PCSK2: variants seen among roughly 807,000 people sequenced by gnomAD.
PCSK2 encodes the protein proprotein convertase subtilisin/kexin type 2.
Under a neutral mutation model 69.7 loss-of-function variants are expected in PCSK2, and 14 were observed. The ratio of observed to expected loss-of-function variants is 0.20; its 90% CI spans 0.13 to 0.31. The LOEUF is 0.31. PCSK2 is among the 10% of genes least tolerant of loss of function. PCSK2 has a pLI of 1.00. For missense variants in PCSK2, 544 were observed against 842.5 expected (o/e 0.65, Z 4.39); for synonymous variants, 307 against 320.7 (o/e 0.96, Z 0.46).
intron 2 of PCSK2, among the ~76,000 whole-genome samples, chr20:17,294,307 C>T (rs1411749396): frequency 2.0e-5 from 3 of 151,278 alleles, no homozygotes; most frequent in African/African-American, 4.9e-5. Flanking sequence ...GGGGTTTCAC[C>T]GTGTTAGCCA....
chr20:17,352,602 G>C (rs980948761), intron 2 of PCSK2, among the ~76,000 whole-genome samples: 3 of 152,138 alleles, frequency 2.0e-5, no homozygotes, highest in Admixed American at 6.5e-5. Context: ...ATGGGAAAAG[G>C]GCTTTTTATT....
rs145842779 is a variant in PCSK2, at chr20:17,268,405, A to G, written c.282+8061A>G. On this transcript the variant is annotated intron_variant, in intron 2 of 11. Transcript: ENST00000262545. ...GGGAGAGCCATAGAGGGGTGTTTCTATTTTATAAAAAGCATCCAGGTTTGG... is the reference window on the plus strand; with the variant it reads ...GGGAGAGCCATAGAGGGGTGTTTCTGTTTTATAAAAAGCATCCAGGTTTGG... 2.8e-4 allele frequency among the ~76,000 whole-genome samples: 43 copies of G among 152,218 alleles called. 3 individuals are homozygous for G. The East Asian group carries it at 8.3e-3, about 29-fold the overall frequency.
intron 5 of PCSK2, among the ~76,000 whole-genome samples, chr20:17,370,442 G>C (rs570735673): frequency 6.9e-4 from 105 of 152,292 alleles, no homozygotes; most frequent in African/African-American, 2.4e-3. Context: ...TAAATTGAGA[G>C]GAGCATCTTT....
chr20:17,318,332 G>A (rs1989753124), intron 2 of PCSK2, among the ~76,000 whole-genome samples: 1 of 152,138 alleles, frequency 6.6e-6, no homozygotes, highest in South Asian at 2.1e-4. Context: ...GATGAAGCAT[G>A]TTACCGGCTC....
chr20:17,390,551 C>A (rs532948227), intron 5 of PCSK2, among the ~76,000 whole-genome samples: 78 of 152,306 alleles, frequency 5.1e-4, no homozygotes, highest in African/African-American at 1.9e-3. Flanking sequence ...CACTGCCCAC[C>A]TGCTCACCTC....
At chr20:17,386,616 T>TCTGGGTGGAA (rs2031240639) in intron 5 of PCSK2, among the ~76,000 whole-genome samples, 1 of 152,086 alleles carries the variant, frequency 6.6e-6, no homozygotes, top group Non-Finnish European at 1.5e-5. Flanking sequence ...GGTGGAAAGG[T>TCTGGGTGGAA]AGTTGCCAGG....
intron 8 of PCSK2, among the ~76,000 whole-genome samples, chr20:17,437,530 A>T (rs1349777572): frequency 2.0e-5 from 3 of 152,192 alleles, no homozygotes; most frequent in African/African-American, 7.2e-5. Flanking sequence ...CCCCAGGCTC[A>T]GGGACCAGAG....
intron 2 of PCSK2, among the ~76,000 whole-genome samples, chr20:17,275,944 T>C (rs1487738007): frequency 1.3e-5 from 2 of 152,234 alleles, no homozygotes; most frequent in Non-Finnish European, 2.9e-5. Context: ...CAACCACATC[T>C]ATACAATGTG....
intron 6 of PCSK2, among the ~76,000 whole-genome samples, chr20:17,410,440 C>A (rs1162947575): frequency 6.6e-6 from 1 of 152,052 alleles, no homozygotes; most frequent in African/African-American, 2.4e-5. Flanking sequence ...GACCTGAGAC[C>A]CCTCAGTCTC....
At chr20:17,368,689 T>C (rs2030671787) in intron 4 of PCSK2, among the ~76,000 whole-genome samples, 1 of 152,172 alleles carries the variant, frequency 6.6e-6, no homozygotes, top group Non-Finnish European at 1.5e-5. Context: ...GCAGGGCTCC[T>C]GCTGAGACAT....
chr20:17,359,508 C>T (rs1385690383), intron 3 of PCSK2, among the ~76,000 whole-genome samples: 2 of 152,114 alleles, frequency 1.3e-5, no homozygotes, highest in Non-Finnish European at 2.9e-5. Flanking sequence ...TTTCATAAGC[C>T]CTTCAGCAAG....
In PCSK2 at chr20:17,419,184, T is replaced by C. The variant is rs2032068444; in HGVS notation, c.620+9845T>C. Among the ~76,000 whole-genome samples, 5 of 152,192 alleles carry C rather than the reference T, an allele frequency of 3.3e-5. No individual in the cohort carries two copies. The South Asian group carries it at 1.0e-3, about 32-fold the overall frequency. ...ATTAAACTCCACGCCAAGGGTGCTT[T>C]AGGAAAACAAACTTCATACATATGC... On this transcript the variant is annotated intron_variant, in intron 6 of 11. Coordinates refer to ENST00000262545, the MANE Select transcript of PCSK2 (RefSeq NM_002594.5).
intron 8 of PCSK2, among the ~76,000 whole-genome samples, chr20:17,450,013 T>C (rs1456822776): frequency 7.0e-6 from 1 of 141,944 alleles, no homozygotes; most frequent in Non-Finnish European, 1.5e-5. Flanking sequence ...GTTGAATTTC[T>C]TCCCTTTTTT....
At chr20:17,395,195 A>G (rs2031483332) in intron 5 of PCSK2, among the ~76,000 whole-genome samples, 1 of 152,210 alleles carries the variant, frequency 6.6e-6, no homozygotes, top group African/African-American at 2.4e-5. Flanking sequence ...CATCAAAGCA[A>G]AGATTAACTG....
rs1042540125 is a variant in PCSK2, at chr20:17,465,381, A to G, written c.1258A>G (p.Asn420Asp). 6.2e-7 allele frequency: 1 copy of G among 1,614,050 alleles called. No individual in the cohort carries two copies. Among genetic ancestry groups the G allele is most frequent in the African/African-American group, 1.3e-5 (1 of 74,908 alleles). ...QHLTVLTSKR[N>D]QLHDEVHQWR... ...TCTGACTGTGCTCACCTCCAAACGG[A>G]ACCAGCTTCACGACGAGGTCCATCA... The change falls in exon 11 of 12, where the codon AAC (asparagine) becomes GAC (aspartate). Residue 420 changes from asparagine to aspartate, a missense_variant. Asn to Asp is a conservative substitution (Grantham distance 23). Around this residue, in one of 3 missense-constraint regions of PCSK2, gnomAD observed 187 missense variants for 399.8 expected, o/e 0.47. Transcript: ENST00000262545.
Position 17,456,440 on chromosome 20 carries a change from G to A in PCSK2, c.1194G>A (p.Leu398=). ...PEAAGVFALA[L]EANLGLTWRD... ...CAGCTGGTGTGTTTGCACTGGCTCT[G>A]GAGGCTAAGTATGTTCATAGCTCTG... Residue 398 remains leucine, a synonymous_variant, in exon 10 of 12, where the codon CTG becomes CTA. Coordinates refer to ENST00000262545, the MANE Select transcript of PCSK2 (RefSeq NM_002594.5). The A allele has an allele frequency of 6.3e-7, 1 of 1,588,338 alleles. No individual in the cohort carries two copies. Among genetic ancestry groups the A allele is most frequent in the Non-Finnish European group, 8.6e-7 (1 of 1,156,586 alleles).
intron 8 of PCSK2, among the ~76,000 whole-genome samples, chr20:17,440,909 A>G (rs2032581757): frequency 6.6e-6 from 1 of 151,616 alleles, no homozygotes; most frequent in Non-Finnish European, 1.5e-5. Context: ...GCAATGAGAT[A>G]GATTCAGGCA....
intron 1 of PCSK2, among the ~76,000 whole-genome samples, chr20:17,243,957 T>TTA (rs1204130073): frequency 5.3e-5 from 8 of 152,188 alleles, no homozygotes; most frequent in Admixed American, 3.9e-4. Context: ...GCCAGATTTT[T>TTA]TATTTTTTTT....
At chr20:17,441,760 A>G (rs2032602494) in intron 8 of PCSK2, among the ~76,000 whole-genome samples, 1 of 152,074 alleles carries the variant, frequency 6.6e-6, no homozygotes. Flanking sequence ...GTTACCTCCC[A>G]CTGGGTCCTT....
Sources: allele counts gnomAD v4.1 joint callset (sites outside exome capture counted in the v4.1 genomes callset), GRCh38; gene constraint gnomAD v4.1.1; regional missense constraint gnomAD v4.1.1; transcripts MANE v1.5; gene names NCBI Gene and HGNC (gene_info 2026-07-23, HGNC 2026-07-21).